The following ADAMTS6 variants were observed in gnomAD, a reference collection of about 807,000 sequenced individuals.
ADAMTS6 encodes A disintegrin and metalloproteinase with thrombospondin motifs 6.
A neutral mutation model predicts 144.3 loss-of-function variants in ADAMTS6; 23 were observed. The ratio of observed to expected loss-of-function variants is 0.16; its 90% CI spans 0.11 to 0.23. The LOEUF (loss-of-function observed/expected upper bound fraction) is 0.23. ADAMTS6 is among the 10% of genes least tolerant of loss of function. The pLI, the probability that ADAMTS6 is intolerant of heterozygous loss-of-function variation, is 1.00. For synonymous variants in ADAMTS6, 444 were observed against 457.5 expected (o/e 0.97, Z 0.38); for missense variants, 999 against 1,379.6 (o/e 0.72, Z 4.37).
chr5:65,209,023 T>C (rs932727461), intron 20 of ADAMTS6, among the ~76,000 whole-genome samples: 7 of 152,244 alleles, frequency 4.6e-5, no homozygotes, highest in African/African-American at 1.7e-4. Context: ...CAGGTAACTC[T>C]GATGTGTGCT....
At chr5:65,238,036 T>G (rs529046269) in intron 15 of ADAMTS6, among the ~76,000 whole-genome samples, 1 of 151,304 alleles carries the variant, frequency 6.6e-6, no homozygotes, top group South Asian at 2.1e-4. Flanking sequence ...CAGTGTGCTG[T>G]GATCACACCA....
rs116427431 is a variant in ADAMTS6, at chr5:65,255,052, G to A, written c.1830+5548C>T. 8.9e-3 allele frequency among the ~76,000 whole-genome samples: 1,355 copies of A among 152,204 alleles called. 10 individuals are homozygous for A. Among genetic ancestry groups the A allele is most frequent in the Middle Eastern group, 0.014 (4 of 294 alleles). On this transcript the variant is annotated intron_variant, in intron 14 of 24. Coordinates refer to ENST00000381055, the MANE Select transcript of ADAMTS6 (RefSeq NM_197941.4). ...TAGCTCTGAGGTAGACACCTGTGGC[G>A]TACCCACTATCCATTACTCTCTGCT...
intron 15 of ADAMTS6, among the ~76,000 whole-genome samples, chr5:65,226,930 T>C (rs1021721724): frequency 7.2e-5 from 11 of 152,158 alleles, no homozygotes; most frequent in African/African-American, 1.4e-4. Context: ...AATAACCTTG[T>C]CTAACAAACA....
chr5:65,328,671 A>AT (rs201911075), intron 9 of ADAMTS6, among the ~76,000 whole-genome samples: 2 of 150,798 alleles, frequency 1.3e-5, no homozygotes, highest in Non-Finnish European at 2.9e-5. Flanking sequence ...AAATGTTGAA[A>AT]TTTTAAAAAA....
At chr5:65,223,292 A>C (rs1580104460) in intron 18 of ADAMTS6, among the ~76,000 whole-genome samples, 1 of 152,350 alleles carries the variant, frequency 6.6e-6, no homozygotes, top group South Asian at 2.1e-4. Context: ...TACCACAATC[A>C]AGCTAATTTA....
chr5:65,470,328 A>G (rs1459722956), intron 3 of ADAMTS6, among the ~76,000 whole-genome samples: 1 of 152,196 alleles, frequency 6.6e-6, no homozygotes, highest in Non-Finnish European at 1.5e-5. Flanking sequence ...TCGAGAACTT[A>G]TAACTGTAAG....
At chr5:65,390,954 GTT>G (rs34797529) in intron 7 of ADAMTS6, among the ~76,000 whole-genome samples, 25 of 141,256 alleles carry the variant, frequency 1.8e-4, no homozygotes, top group African/African-American at 2.3e-4. Flanking sequence ...TTTTTTGAGG[GTT>G]TTTTTTTTTT....
chr5:65,452,273 G>A (rs1473204263), intron 5 of ADAMTS6, 57 bp from the exon 6 acceptor site: 1 of 1,530,190 alleles, frequency 6.5e-7, no homozygotes, highest in Non-Finnish European at 9.0e-7. Flanking sequence ...TAGGGTGATA[G>A]TTTGGTTTTT....
intron 21 of ADAMTS6, among the ~76,000 whole-genome samples, chr5:65,189,762 T>C (rs1754897600): frequency 6.6e-6 from 1 of 152,252 alleles, no homozygotes; most frequent in Admixed American, 6.5e-5. Flanking sequence ...AGAGCAATGA[T>C]GGAATCAGGA....
chr5:65,297,651 G>A (rs1268065943), intron 10 of ADAMTS6, among the ~76,000 whole-genome samples: 3 of 152,112 alleles, frequency 2.0e-5, no homozygotes, highest in South Asian at 2.1e-4. Flanking sequence ...AAGCAATTAA[G>A]TTCACTGCAT....
In ADAMTS6 at chr5:65,346,106, T is replaced by C. The variant is rs113754388; in HGVS notation, c.1074-12021A>G. ...ATCCTTCTCAAAGTTTTCCAAAAGA[T>C]TGAAGAAGAGGGACTACTTCCAAAT... On this transcript the variant is annotated intron_variant, in intron 7 of 24. Coordinates refer to ENST00000381055, the MANE Select transcript of ADAMTS6 (RefSeq NM_197941.4). Among the ~76,000 whole-genome samples, 377 of 152,056 alleles carry C rather than the reference T, an allele frequency of 2.5e-3. 1 individual carries two copies. Among genetic ancestry groups the C allele is most frequent in the African/African-American group, 8.5e-3 (355 of 41,554 alleles).
intron 9 of ADAMTS6, among the ~76,000 whole-genome samples, chr5:65,305,811 T>A (rs184430746): frequency 2.0e-5 from 3 of 151,406 alleles, no homozygotes; most frequent in Admixed American, 6.6e-5. Flanking sequence ...TATGCACACA[T>A]GGACACACAC....
intron 7 of ADAMTS6, among the ~76,000 whole-genome samples, chr5:65,342,097 T>C (rs1488739863): frequency 6.6e-6 from 1 of 152,102 alleles, no homozygotes; most frequent in Non-Finnish European, 1.5e-5. Flanking sequence ...ACCCACATAA[T>C]CATCTCAATA....
chr5:65,455,814 A>T (rs2150255786), intron 4 of ADAMTS6, among the ~76,000 whole-genome samples: 1 of 152,046 alleles, frequency 6.6e-6, no homozygotes, highest in South Asian at 2.1e-4. Context: ...AAAAATAATA[A>T]TAATAAAAAA....
At chr5:65,432,943 A>C (rs941318751) in intron 7 of ADAMTS6, among the ~76,000 whole-genome samples, 4 of 151,862 alleles carry the variant, frequency 2.6e-5, no homozygotes, top group Non-Finnish European at 5.9e-5. Flanking sequence ...TCAATTAATG[A>C]ATTTCTACTG....
At chr5:65,428,018 G>C (rs998066146) in intron 7 of ADAMTS6, among the ~76,000 whole-genome samples, 3 of 151,838 alleles carry the variant, frequency 2.0e-5, no homozygotes, top group African/African-American at 7.3e-5. Context: ...CTGAGGTCAG[G>C]AGTTCAAGAC....
intron 21 of ADAMTS6, 54 bp from the exon 22 acceptor site, chr5:65,188,274 G>C: frequency 1.3e-6 from 2 of 1,581,226 alleles, no homozygotes; most frequent in Non-Finnish European, 1.7e-6. Context: ...TGCATCCAGA[G>C]ATTTTTAGCT....
intron 9 of ADAMTS6, among the ~76,000 whole-genome samples, chr5:65,300,657 A>C (rs1743273561): frequency 6.6e-6 from 1 of 151,228 alleles, no homozygotes; most frequent in Non-Finnish European, 1.5e-5. Flanking sequence ...TTTGAGACGC[A>C]GTCTTGCTCT....
chr5:65,279,234 C>T (rs887931343), intron 11 of ADAMTS6, among the ~76,000 whole-genome samples: 9 of 150,688 alleles, frequency 6.0e-5, no homozygotes, highest in Non-Finnish European at 8.9e-5. Context: ...CATGAGCCAC[C>T]GTACCCGACC....
Sources: allele counts gnomAD v4.1 joint callset (sites outside exome capture counted in the v4.1 genomes callset), GRCh38; gene constraint gnomAD v4.1.1; transcripts MANE v1.5; gene names NCBI Gene and HGNC (gene_info 2026-07-23, HGNC 2026-07-21).